The following KCNQ3 variants were observed in gnomAD, a reference collection of about 807,000 sequenced individuals.
KCNQ3 encodes potassium voltage-gated channel subfamily KQT member 3.
KCNQ3 carries 30 observed loss-of-function variants against 92.5 expected under a neutral mutation model. That is an observed-to-expected ratio of 0.32 (90% confidence interval 0.24 to 0.44). The LOEUF (loss-of-function observed/expected upper bound fraction) is 0.44. Among genes scored for constraint, KCNQ3 ranks in the 20% least tolerant of loss-of-function variants. The pLI, the probability that KCNQ3 is intolerant of heterozygous loss-of-function variation, is 1.00. For missense variants in KCNQ3, 913 were observed against 1,140.3 expected (o/e 0.80, Z 2.87); for synonymous variants, 450 against 468.8 (o/e 0.96, Z 0.52).
intron 1 of KCNQ3, among the ~76,000 whole-genome samples, chr8:132,255,604 A>T (rs1815559233): frequency 6.6e-6 from 1 of 152,168 alleles, no homozygotes; most frequent in African/African-American, 2.4e-5. Context: ...TGATTTTAAG[A>T]CCCTAAGTAA....
At chr8:132,433,359 A>T (rs1414602832) in intron 1 of KCNQ3, among the ~76,000 whole-genome samples, 1 of 152,242 alleles carries the variant, frequency 6.6e-6, no homozygotes, top group African/African-American at 2.4e-5. Flanking sequence ...AAGGACTGGG[A>T]ACAGCCAGAT....
Position 132,224,081 on chromosome 8 carries a change from A to ATTTTTTTTTTTTTTTTTTT in KCNQ3, c.387-37919_387-37901dup, listed in dbSNP as rs1164773143. ...CAGACACACACCATCATGCCAGGCT[A>ATTTTTTTTTTTTTTTTTTT]TTTTTTTTTTTTTTTTTTTTTTTTT... On this transcript the variant is annotated intron_variant, in intron 1 of 14. Coordinates refer to ENST00000388996, the MANE Select transcript of KCNQ3 (RefSeq NM_004519.4). 1.9e-3 allele frequency among the ~76,000 whole-genome samples: 76 copies of ATTTTTTTTTTTTTTTTTTT among 39,476 alleles called. 15 individuals carry two copies. Among genetic ancestry groups the ATTTTTTTTTTTTTTTTTTT allele is most frequent in the Non-Finnish European group, 2.9e-3 (57 of 19,698 alleles). The allele number at this position is 39,476 out of a possible 152,430, so 25.9% of individuals were successfully genotyped here.
intron 1 of KCNQ3, among the ~76,000 whole-genome samples, chr8:132,345,721 C>T (rs1818667643): frequency 6.6e-6 from 1 of 152,032 alleles, no homozygotes; most frequent in Non-Finnish European, 1.5e-5. Flanking sequence ...GTGGGGAATA[C>T]GATGATTATC....
chr8:132,479,331 C>A (rs1822488701), intron 1 of KCNQ3, among the ~76,000 whole-genome samples: 2 of 152,178 alleles, frequency 1.3e-5, no homozygotes, highest in African/African-American at 4.8e-5. Context: ...CCAAGCCCCT[C>A]ACATTCCCGG....
At chr8:132,159,736 C>A (rs1027213796) in intron 9 of KCNQ3, among the ~76,000 whole-genome samples, 2 of 152,232 alleles carry the variant, frequency 1.3e-5, no homozygotes, top group African/African-American at 4.8e-5. Flanking sequence ...GGGTTCCCAC[C>A]CTCTCTGATG....
intron 3 of KCNQ3, among the ~76,000 whole-genome samples, chr8:132,180,869 T>C (rs937248579): frequency 1.1e-4 from 16 of 149,684 alleles, no homozygotes; most frequent in African/African-American, 3.2e-4. Flanking sequence ...GGGGGTGTTA[T>C]CAAGGCCACT....
chr8:132,152,539 G>GAAACTGGTTGTTTTACCAGTTTCTTGGTA (rs1446132058), intron 9 of KCNQ3, among the ~76,000 whole-genome samples: 19 of 152,282 alleles, frequency 1.2e-4, no homozygotes, highest in African/African-American at 4.1e-4. Flanking sequence ...AACAATTGTA[G>GAAACTGGTTGTTTTACCAGTTTCTTGGTA]AAACTGGTTG....
chr8:132,309,746 C>T (rs1817535625), intron 1 of KCNQ3, among the ~76,000 whole-genome samples: 1 of 152,180 alleles, frequency 6.6e-6, no homozygotes, highest in Admixed American at 6.5e-5. Context: ...CAGGACAAAT[C>T]CCCATCCCTT....
In KCNQ3 at chr8:132,126,920, A is replaced by AAATT. The variant is rs1266256514; in HGVS notation, c.*2338_*2341dup. ...CAAGAATACTAATAAGTAAGTTAAA[A>AAATT]AATTAATTGGCGCATATGTGGAGAG... is the stretch of plus-strand genomic sequence containing the variant. On this transcript the variant is annotated 3_prime_UTR_variant, in exon 15 of 15. Coordinates refer to ENST00000388996, the MANE Select transcript of KCNQ3 (RefSeq NM_004519.4). 17 of 152,342 alleles carry AAATT rather than the reference A, an allele frequency of 1.1e-4. No individual in the cohort carries two copies. Among genetic ancestry groups the AAATT allele is most frequent in the Admixed American group, 8.5e-4 (13 of 15,298 alleles). 9.4% of individuals were successfully genotyped at this position (152,342 alleles called of 1,614,324 possible).
Position 132,126,785 on chromosome 8 carries a change from AG to A in KCNQ3, c.*2476del, listed in dbSNP as rs1326188103. On this transcript the variant is annotated 3_prime_UTR_variant, in exon 15 of 15. Transcript: ENST00000388996. ...CTTTCTAGGTTATTAAAAGAATCTA[AG>A]GTAGTTCCTCCAATTTTGGATCAAT... 23 of 152,334 alleles carry A rather than the reference AG, an allele frequency of 1.5e-4. No homozygotes were observed. Among genetic ancestry groups the A allele is most frequent in the African/African-American group, 5.5e-4 (23 of 41,580 alleles). 9.4% of individuals were successfully genotyped at this position (152,334 alleles called of 1,614,324 possible).
At chr8:132,392,745 T>C (rs1820082321) in intron 1 of KCNQ3, among the ~76,000 whole-genome samples, 1 of 140,008 alleles carries the variant, frequency 7.1e-6, no homozygotes, top group African/African-American at 2.7e-5. Context: ...AGAGCCATGA[T>C]TGTGCCACTG....
chr8:132,300,225 G>C (rs936767103), intron 1 of KCNQ3, among the ~76,000 whole-genome samples: 1 of 152,178 alleles, frequency 6.6e-6, no homozygotes, highest in African/African-American at 2.4e-5. Flanking sequence ...TCTGTCATGG[G>C]AGGTGACACC....
Position 132,300,717 on chromosome 8 carries a change from C to T in KCNQ3, c.387-114536G>A, listed in dbSNP as rs191594971. Among the ~76,000 whole-genome samples, 52 of 152,224 alleles carry T rather than the reference C, an allele frequency of 3.4e-4. 1 individual carries two copies. The highest frequency in any genetic ancestry group is 1.3e-3 in the African/African-American group (52 of 41,526). On this transcript the variant is annotated intron_variant, in intron 1 of 14. Coordinates refer to ENST00000388996, the MANE Select transcript of KCNQ3 (RefSeq NM_004519.4). ...TAAAACAGAACCTTTGGGTTTTAAC[C>T]CAATAAAAGATGTTTTAAACTGTAT... is the stretch of plus-strand genomic sequence containing the variant.
At chr8:132,261,205 C>T (rs946698900) in intron 1 of KCNQ3, among the ~76,000 whole-genome samples, 2 of 152,218 alleles carry the variant, frequency 1.3e-5, no homozygotes, top group Admixed American at 6.5e-5. Context: ...GTGGGATATC[C>T]TGAAACCAGG....
intron 1 of KCNQ3, among the ~76,000 whole-genome samples, chr8:132,448,679 T>A (rs900466689): frequency 6.6e-6 from 1 of 152,142 alleles, no homozygotes; most frequent in African/African-American, 2.4e-5. Flanking sequence ...TATTTGCGTT[T>A]CTATCTTTCC....
At chr8:132,136,306 A>C (rs182403152) in intron 12 of KCNQ3, among the ~76,000 whole-genome samples, 1 of 152,092 alleles carries the variant, frequency 6.6e-6, no homozygotes, top group African/African-American at 2.4e-5. Flanking sequence ...ACGCGTGTCC[A>C]TTGGAAATCT....
chr8:132,345,577 T>C (rs1818662731), intron 1 of KCNQ3, among the ~76,000 whole-genome samples: 1 of 152,262 alleles, frequency 6.6e-6, no homozygotes, highest in African/African-American at 2.4e-5. Flanking sequence ...TGAGAGCACA[T>C]ACTTTGGAGG....
intron 4 of KCNQ3, among the ~76,000 whole-genome samples, chr8:132,177,639 G>T (rs1264651159): frequency 1.3e-5 from 2 of 152,164 alleles, no homozygotes; most frequent in Non-Finnish European, 2.9e-5. Context: ...CATTTATTTT[G>T]GGAGGAGAAC....
At chr8:132,403,136 C>A (rs1820391349) in intron 1 of KCNQ3, among the ~76,000 whole-genome samples, 1 of 151,188 alleles carries the variant, frequency 6.6e-6, no homozygotes, top group African/African-American at 2.4e-5. Context: ...CATACAGAAA[C>A]CCTCTGTACT....
Sources: allele counts gnomAD v4.1 joint callset (sites outside exome capture counted in the v4.1 genomes callset), GRCh38; gene constraint gnomAD v4.1.1; transcripts MANE v1.5; gene names NCBI Gene and HGNC (gene_info 2026-07-23, HGNC 2026-07-21).